The following E2F7 variants were observed in gnomAD, a reference collection of about 807,000 sequenced individuals.
The protein encoded by E2F7 is E2F transcription factor 7.
A neutral mutation model predicts 81.1 loss-of-function variants in E2F7; 35 were observed. That is an observed-to-expected ratio of 0.43 (90% CI 0.33 to 0.57). The LOEUF (loss-of-function observed/expected upper bound fraction) is 0.57. E2F7 is among the 20% of genes least tolerant of loss of function. E2F7 has a pLI of 0.04. For synonymous variants in E2F7, 416 were observed against 416.2 expected, an observed-to-expected ratio of 1.00 and a Z score of 0.01; for missense variants, 961 against 1,093.7, an observed-to-expected ratio of 0.88 and a Z score of 1.71.
chr12:77,024,501 G>A (rs1386342963), intron 12 of E2F7, among the ~76,000 whole-genome samples: 2 of 152,142 alleles, frequency 1.3e-5, no homozygotes, highest in Admixed American at 6.5e-5. Flanking sequence ...TCCATCCAAC[G>A]GCGATGGTAA....
intron 7 of E2F7, among the ~76,000 whole-genome samples, chr12:77,041,461 G>C (rs996559356): frequency 9.2e-5 from 14 of 152,154 alleles, no homozygotes; most frequent in Non-Finnish European, 2.1e-4. Flanking sequence ...AAAGTGCTGG[G>C]ATTACAGGTG....
At chr12:77,048,925 G>C (rs187892263) in intron 4 of E2F7, among the ~76,000 whole-genome samples, 7 of 152,266 alleles carry the variant, frequency 4.6e-5, no homozygotes, top group African/African-American at 1.7e-4. Flanking sequence ...TGGGTACATG[G>C]AAGAAGTAGG....
chr12:77,050,475 G>T, intron 4 of E2F7, 101 bp downstream of exon 4: 1 of 1,252,368 alleles, frequency 8.0e-7, no homozygotes, highest in Non-Finnish European at 1.1e-6. Context: ...GTCTTCACCC[G>T]ATTGAGGGGC....
At chr12:77,058,206 A>G (rs1242270300) in intron 2 of E2F7, among the ~76,000 whole-genome samples, 1 of 152,050 alleles carries the variant, frequency 6.6e-6, no homozygotes, top group African/African-American at 2.4e-5. Context: ...CTACAGGTGA[A>G]CTCTCAAGGG....
rs1188119177 is a variant in E2F7 at position 77,065,549 on chromosome 12, A to C, written c.-205T>G. Reference sequence around the variant, plus strand: ...CCAGCGCTCAGACCGGCCGAGCGCAACTCCAGCCTGGATCGTAGTCCCCGC... The same window carrying C: ...CCAGCGCTCAGACCGGCCGAGCGCACCTCCAGCCTGGATCGTAGTCCCCGC... On this transcript the variant is annotated 5_prime_UTR_variant, in exon 1 of 13. Transcript: ENST00000322886. 1.3e-5 allele frequency: 2 copies of C among 152,096 alleles called. No individual in the cohort carries two copies. The highest frequency in any genetic ancestry group is 4.8e-5 in the African/African-American group (2 of 41,406). 9.4% of individuals were successfully genotyped at this position (152,096 alleles called of 1,614,324 possible).
chr12:77,028,268 C>T, intron 10 of E2F7, 130 bp from the exon 11 acceptor site: 1 of 1,175,838 alleles, frequency 8.5e-7, no homozygotes, highest in East Asian at 2.6e-5. Context: ...TCCCAGCTCA[C>T]TGCAACCTCT....
intron 3 of E2F7, 143 bp from the exon 4 acceptor site, chr12:77,050,887 T>C: frequency 2.5e-6 from 2 of 812,126 alleles, no homozygotes; most frequent in Non-Finnish European, 3.7e-6. Context: ...TTTCCTAATC[T>C]AATTCCCTGA....
chr12:77,055,500 TA>T (rs889203421), intron 3 of E2F7, among the ~76,000 whole-genome samples: 1 of 152,124 alleles, frequency 6.6e-6, no homozygotes, highest in Non-Finnish European at 1.5e-5. Flanking sequence ...TGGAATTTCC[TA>T]AATCAAAAAT....
chr12:77,029,737 G>C, intron 10 of E2F7, 94 bp downstream of exon 10: 1 of 1,530,122 alleles, frequency 6.5e-7, no homozygotes, highest in East Asian at 2.3e-5. Context: ...CCATATTCCA[G>C]ACTCCATTGC....
In E2F7 at chr12:77,027,881, A is replaced by T; in HGVS notation, c.2140+2T>A. The T allele has an allele frequency of 6.2e-7, 1 of 1,613,840 alleles. No homozygotes were observed. The highest frequency in any genetic ancestry group is 8.5e-7 in the Non-Finnish European group (1 of 1,179,946). ...ACTCTAAGACATGATGACATCCCTT[A>T]CCTGCAGGAGACTGCACACAAAGAT... On this transcript the variant is annotated splice_donor_variant, in intron 11 of 12. Coordinates refer to ENST00000322886, the MANE Select transcript of E2F7 (RefSeq NM_203394.3). LOFTEE classifies it high-confidence loss of function.
chr12:77,029,107 C>G lies in E2F7; in HGVS notation c.1884+724G>C, dbSNP rs566326127. The stretch of plus-strand genomic sequence containing the variant: ...TGTCTTGGTTACCTAAGACATATGC[C>G]AGTCAGTCTTTCACTTCTGATCTGC... On this transcript the variant is annotated intron_variant, in intron 10 of 12. Coordinates refer to ENST00000322886, the MANE Select transcript of E2F7 (RefSeq NM_203394.3). 2.6e-5 allele frequency among the ~76,000 whole-genome samples: 4 copies of G among 152,296 alleles called. No homozygotes were observed. The South Asian group carries it at 8.3e-4, about 32-fold the overall frequency.
At chr12:77,040,897 G>A (rs1954888528) in intron 7 of E2F7, among the ~76,000 whole-genome samples, 1 of 152,208 alleles carries the variant, frequency 6.6e-6, no homozygotes, top group African/African-American at 2.4e-5. Flanking sequence ...ACTGTACCCT[G>A]CTGGTAGGAA....
At chr12:77,026,018 T>C (rs1000369335) in intron 11 of E2F7, 36 bp from the exon 12 acceptor site, 2 of 1,561,874 alleles carry the variant, frequency 1.3e-6, no homozygotes, top group Non-Finnish European at 1.7e-6. Flanking sequence ...AATCAATATA[T>C]GTCATCATGA....
chr12:77,043,486 G>A (rs1164872141), intron 6 of E2F7, among the ~76,000 whole-genome samples: 3 of 152,020 alleles, frequency 2.0e-5, no homozygotes, highest in Admixed American at 2.0e-4. Context: ...AAAACACCAA[G>A]GGAGGGAATG....
At chr12:77,064,457 A>C in intron 2 of E2F7, 86 bp downstream of exon 2, 13 of 1,096,502 alleles carry the variant, frequency 1.2e-5, no homozygotes, top group Non-Finnish European at 1.8e-5. Flanking sequence ...TTAAATACAA[A>C]TACAAATGGC....
chr12:77,048,162 C>CCTTA (rs1954958615), intron 4 of E2F7, among the ~76,000 whole-genome samples: 1 of 152,160 alleles, frequency 6.6e-6, no homozygotes, highest in Non-Finnish European at 1.5e-5. Flanking sequence ...CTGCACAATC[C>CCTTA]CTTACCTCTT....
At chr12:77,035,136 C>G (rs1334132509) in intron 7 of E2F7, among the ~76,000 whole-genome samples, 1 of 152,056 alleles carries the variant, frequency 6.6e-6, no homozygotes, top group Non-Finnish European at 1.5e-5. Flanking sequence ...TTGCTTACTG[C>G]CTGGAGAATG....
chr12:77,055,831 C>A, intron 3 of E2F7, 24 bp downstream of exon 3: 1 of 1,545,860 alleles, frequency 6.5e-7, no homozygotes, highest in African/African-American at 1.4e-5. Flanking sequence ...TCTAAAAAAT[C>A]CCTGAGGAGC....
intron 5 of E2F7, among the ~76,000 whole-genome samples, chr12:77,045,213 C>T (rs776614409): frequency 1.3e-5 from 2 of 152,110 alleles, no homozygotes; most frequent in East Asian, 1.9e-4. Flanking sequence ...TCTCTGTGTC[C>T]GCAATATCTA....
Sources: gnomAD v4.1 joint callset for allele counts (sites outside exome capture counted in the v4.1 genomes callset) on GRCh38, gnomAD v4.1.1 for gene constraint, MANE v1.5 for transcripts, NCBI Gene and HGNC (gene_info 2026-07-23, HGNC 2026-07-21) for gene names.